THOC2: variants seen among roughly 807,000 people sequenced by gnomAD.
THOC2 encodes the protein THO complex 2.
A neutral mutation model predicts 128.4 loss-of-function variants in THOC2; 10 were observed. The ratio of observed to expected loss-of-function variants is 0.08; its 90% CI spans 0.05 to 0.13. The LOEUF is 0.13. Among genes scored for constraint, THOC2 ranks in the 10% least tolerant of loss-of-function variants. The pLI, the probability that THOC2 is intolerant of heterozygous loss-of-function variation, is 1.00. For synonymous variants in THOC2, 393 were observed against 396.9 expected, an observed-to-expected ratio of 0.99 and a Z score of 0.12; for missense variants, 535 against 1,155.7, an observed-to-expected ratio of 0.46 and a Z score of 7.79.
chrX:123,713,429 C>T (rs1313292462), intron 1 of THOC2, among the ~76,000 whole-genome samples: 1 of 104,403 alleles, frequency 9.6e-6, no homozygotes, highest in Non-Finnish European at 2.0e-5. Flanking sequence ...GAGCCAAGAT[C>T]GCGCCACTGC....
chrX:123,659,069 T>C (rs1281689186), intron 12 of THOC2, among the ~76,000 whole-genome samples: 3 of 112,181 alleles, frequency 2.7e-5, no homozygotes, highest in Non-Finnish European at 5.6e-5. Context: ...GAAAATGTTA[T>C]TATAGCAAAA....
chrX:123,624,271 A>T, intron 26 of THOC2, 80 bp from the exon 27 acceptor site: 1 of 955,496 alleles, frequency 1.0e-6, no homozygotes, highest in South Asian at 2.8e-5. Flanking sequence ...AGTAGACTAG[A>T]TCAATGTTTC....
At chrX:123,648,158 G>A (rs1195223816) in intron 12 of THOC2, among the ~76,000 whole-genome samples, 1 of 111,538 alleles carries the variant, frequency 9.0e-6, no homozygotes, top group Admixed American at 9.5e-5. Context: ...CACAGAGGGC[G>A]AGCCAAAGCA....
chrX:123,612,639 A>G (rs752392831), intron 36 of THOC2, among the ~76,000 whole-genome samples: 1 of 111,644 alleles, frequency 9.0e-6, no homozygotes, highest in Non-Finnish European at 1.9e-5. Context: ...ACTAAATGTC[A>G]CTTAAATGTA....
At chrX:123,648,904 C>T (rs1330754868) in intron 12 of THOC2, among the ~76,000 whole-genome samples, 1 of 112,132 alleles carries the variant, frequency 8.9e-6, no homozygotes, top group Non-Finnish European at 1.9e-5. Flanking sequence ...CAGACTTAAA[C>T]GTTCCTGCCT....
chrX:123,637,653 G>A (rs751774192), intron 18 of THOC2, among the ~76,000 whole-genome samples: 6 of 110,929 alleles, frequency 5.4e-5, no homozygotes, highest in African/African-American at 3.3e-5. Context: ...CCAGCTACTC[G>A]GGAGGCTGAG....
At chrX:123,655,378 A>G (rs1434443382) in intron 12 of THOC2, among the ~76,000 whole-genome samples, 2 of 111,972 alleles carry the variant, frequency 1.8e-5, no homozygotes, top group East Asian at 5.6e-4. Flanking sequence ...AGTAGTAAAC[A>G]TCAGCCTCAA....
At chrX:123,650,420 T>C (rs909888411) in intron 12 of THOC2, among the ~76,000 whole-genome samples, 1 of 111,966 alleles carries the variant, frequency 8.9e-6, no homozygotes, top group Non-Finnish European at 1.9e-5. Context: ...GATAACCAGC[T>C]AGCATCATAA....
chrX:123,665,948 A>G, intron 11 of THOC2, 111 bp from the exon 12 acceptor site: 1 of 464,333 alleles, frequency 2.2e-6, no homozygotes, highest in Non-Finnish European at 3.1e-6. Context: ...TATCTTAATC[A>G]GTGAAATTTT....
chrX:123,624,204 T>C lies in THOC2; in HGVS notation c.3187-13A>G, dbSNP rs750727967. 2 of 1,162,727 alleles carry C rather than the reference T, an allele frequency of 1.7e-6. No homozygotes were observed. Among genetic ancestry groups the C allele is most frequent in the Non-Finnish European group, 2.3e-6 (2 of 875,325 alleles). On this transcript the variant is annotated splice_polypyrimidine_tract_variant and intron_variant, in intron 26 of 38. Transcript: ENST00000245838. ...AGTTTCCACATTCCTAAGGAAACAATGTTTGTCACTTTTAAAGAAAAATTA... is the reference window on the plus strand; with the variant it reads ...AGTTTCCACATTCCTAAGGAAACAACGTTTGTCACTTTTAAAGAAAAATTA...
At chrX:123,642,380 G>A (rs778054752) in intron 15 of THOC2, among the ~76,000 whole-genome samples, 22 of 105,933 alleles carry the variant, frequency 2.1e-4, no homozygotes, top group Admixed American at 8.2e-4. Context: ...AGCCAAGATC[G>A]TGCCACTGCA....
intron 10 of THOC2, among the ~76,000 whole-genome samples, chrX:123,667,662 C>T (rs2049101307): frequency 9.1e-6 from 1 of 110,421 alleles, no homozygotes; most frequent in African/African-American, 3.3e-5. Flanking sequence ...TACTTGAGCC[C>T]AGGAGGTAGA....
intron 12 of THOC2, among the ~76,000 whole-genome samples, chrX:123,658,439 A>C (rs1393975347): frequency 8.9e-6 from 1 of 111,912 alleles, no homozygotes; most frequent in African/African-American, 3.2e-5. Context: ...AAAACTTGGA[A>C]GCAACCAACA....
intron 33 of THOC2, among the ~76,000 whole-genome samples, chrX:123,618,677 A>C (rs1356929305): frequency 8.9e-6 from 1 of 112,192 alleles, no homozygotes; most frequent in Non-Finnish European, 1.9e-5. Flanking sequence ...ACGTTTTATA[A>C]CAAAGACAAA....
At chrX:123,633,290 T>C (rs767562081) in intron 20 of THOC2, among the ~76,000 whole-genome samples, 1 of 112,306 alleles carries the variant, frequency 8.9e-6, no homozygotes, top group Non-Finnish European at 1.9e-5. Flanking sequence ...CATAAAGGAT[T>C]ATTCATTATT....
chrX:123,645,977 C>T (rs2048114215), intron 12 of THOC2, among the ~76,000 whole-genome samples: 1 of 109,778 alleles, frequency 9.1e-6, no homozygotes, highest in African/African-American at 3.3e-5. Flanking sequence ...GTGGCCAGTA[C>T]AAAAACTTCA....
chrX:123,661,410 A>C (rs1473005760), intron 12 of THOC2, among the ~76,000 whole-genome samples: 1 of 111,100 alleles, frequency 9.0e-6, no homozygotes, highest in African/African-American at 3.3e-5. Context: ...CATCTCAAAA[A>C]AAAACAAAAC....
chrX:123,708,521 T>A (rs905566178), intron 2 of THOC2, among the ~76,000 whole-genome samples: 1 of 109,894 alleles, frequency 9.1e-6, no homozygotes, highest in Non-Finnish European at 1.9e-5. Context: ...TTTTTTTTTT[T>A]AAAGCAGTAA....
chrX:123,680,590 A>G (rs945057757), intron 8 of THOC2, among the ~76,000 whole-genome samples: 3 of 110,143 alleles, frequency 2.7e-5, no homozygotes, highest in Non-Finnish European at 5.7e-5. Context: ...GTTCCACCTA[A>G]CGAAAAACAC....
Sources: allele counts gnomAD v4.1 joint callset (sites outside exome capture counted in the v4.1 genomes callset), GRCh38; gene constraint gnomAD v4.1.1; transcripts MANE v1.5; gene names NCBI Gene and HGNC (gene_info 2026-07-23, HGNC 2026-07-21).